The following DCDC1 variants were observed in gnomAD, a reference collection of about 807,000 sequenced individuals.
DCDC1 encodes doublecortin domain containing 1.
DCDC1 carries 200 observed loss-of-function variants against 178.3 expected under a neutral mutation model. That is an observed-to-expected ratio of 1.12 (90% confidence interval 1.00 to 1.26). The LOEUF (loss-of-function observed/expected upper bound fraction) is 1.26. Ranked by LOEUF, DCDC1 falls within the 50% of genes most tolerant of loss-of-function variation. The pLI is 0.00. For missense variants in DCDC1, 1,983 were observed against 1,749.2 expected (o/e 1.13, Z -2.38); for synonymous variants, 690 against 604.8 (o/e 1.14, Z -2.07).
intron 9 of DCDC1, among the ~76,000 whole-genome samples, chr11:31,237,170 G>C (rs1976566877): frequency 6.6e-6 from 1 of 151,836 alleles, no homozygotes; most frequent in African/African-American, 2.4e-5. Context: ...CAAACTTATT[G>C]AAAGTGTGGA....
intron 20 of DCDC1, among the ~76,000 whole-genome samples, chr11:31,053,189 G>A (rs1333400995): frequency 1.3e-5 from 2 of 151,830 alleles, no homozygotes; most frequent in African/African-American, 4.8e-5. Flanking sequence ...ATTGTCCAAG[G>A]CTACTATGAA....
intron 20 of DCDC1, among the ~76,000 whole-genome samples, chr11:30,988,300 T>C (rs543089111): frequency 2.0e-5 from 3 of 152,012 alleles, no homozygotes; most frequent in Non-Finnish European, 2.9e-5. Flanking sequence ...AAACTCAAGA[T>C]GTAGGCATGG....
chr11:31,224,871 A>G (rs1220914153), intron 9 of DCDC1, among the ~76,000 whole-genome samples: 1 of 152,124 alleles, frequency 6.6e-6, no homozygotes, highest in Non-Finnish European at 1.5e-5. Context: ...AGATGTTAGC[A>G]TGGATGTGGC....
rs1159404005 is a variant in DCDC1 at position 30,894,356 on chromosome 11, G to A, written c.4794C>T (p.Ala1598=). 6.2e-7 allele frequency: 1 copy of A among 1,613,790 alleles called. No individual in the cohort carries two copies. The highest frequency in any genetic ancestry group is 1.7e-5 in the Admixed American group (1 of 60,002). The change falls in exon 35 of 39, where the codon GCC becomes GCT. Residue 1598 remains alanine (A), a synonymous_variant. Coordinates refer to ENST00000684477, the MANE Select transcript of DCDC1 (RefSeq NM_001387274.1). The part of the protein sequence containing the change: ...KGRRVAACQP[A]TMVPTKSPVQ... Reference sequence around the variant, plus strand: ...CAGGGCTCTTGGTAGGAACCATGGTGGCTGGCTGACATGCCGCTACTCGCC... The same window carrying A: ...CAGGGCTCTTGGTAGGAACCATGGTAGCTGGCTGACATGCCGCTACTCGCC...
chr11:31,294,551 C>T (rs913502908), intron 6 of DCDC1, among the ~76,000 whole-genome samples: 1 of 141,602 alleles, frequency 7.1e-6, no homozygotes, highest in African/African-American at 2.6e-5. Context: ...CCACTGCACT[C>T]CAGCCTGGGC....
chr11:31,170,959 G>T (rs1967142077), intron 9 of DCDC1, among the ~76,000 whole-genome samples: 1 of 152,122 alleles, frequency 6.6e-6, no homozygotes, highest in Admixed American at 6.5e-5. Flanking sequence ...CTCCTGAGCA[G>T]CTGGGATTAC....
chr11:30,912,409 G>A (rs273600), intron 27 of DCDC1, among the ~76,000 whole-genome samples: 15,219 of 151,900 alleles, frequency 0.1, 944 homozygotes, highest in Admixed American at 0.19. Flanking sequence ...TCAGTCTCCC[G>A]AGTAGCTGGT....
chr11:30,897,107 T>C (rs1265809163), intron 34 of DCDC1, among the ~76,000 whole-genome samples: 1 of 152,180 alleles, frequency 6.6e-6, no homozygotes, highest in Non-Finnish European at 1.5e-5. Flanking sequence ...GTAAATGTTT[T>C]ATAAGCATGT....
At chr11:30,878,289 A>C (rs273615) in intron 38 of DCDC1, among the ~76,000 whole-genome samples, 103,777 of 151,700 alleles carry the variant, frequency 0.68, 35,831 homozygotes, top group Middle Eastern at 0.8. Context: ...CCCATCTCTA[A>C]AAAAAATATA....
At chr11:31,148,570 T>C (rs1331602415) in intron 9 of DCDC1, among the ~76,000 whole-genome samples, 1 of 152,120 alleles carries the variant, frequency 6.6e-6, no homozygotes, top group South Asian at 2.1e-4. Flanking sequence ...TTTTGGAGAA[T>C]TCCCTTTTTT....
chr11:31,265,616 A>C lies in DCDC1; in HGVS notation c.961-16T>G. On this transcript the variant is annotated splice_polypyrimidine_tract_variant and intron_variant, in intron 7 of 38. Coordinates refer to ENST00000684477, the MANE Select transcript of DCDC1 (RefSeq NM_001387274.1). ...TATCTAAAACCTGTGCAGGAAAAAA[A>C]AATTATAAATAATTTAGTAAACTGG... The C allele has an allele frequency of 4.0e-6, 5 of 1,263,274 alleles. No homozygotes were observed. Among genetic ancestry groups the C allele is most frequent in the Non-Finnish European group, 5.2e-6 (5 of 965,388 alleles). The allele number at this position is 1,263,274 out of a possible 1,614,324, so 78.3% of individuals were successfully genotyped here.
At chr11:31,307,137 T>C (rs903668605) in intron 4 of DCDC1, among the ~76,000 whole-genome samples, 4 of 152,192 alleles carry the variant, frequency 2.6e-5, no homozygotes, top group Admixed American at 6.5e-5. Flanking sequence ...TATCCACATA[T>C]TCAAACATTT....
intron 38 of DCDC1, among the ~76,000 whole-genome samples, chr11:30,866,464 T>C (rs1370859177): frequency 6.6e-6 from 1 of 152,098 alleles, no homozygotes; most frequent in African/African-American, 2.4e-5. Flanking sequence ...ACTAATTCCA[T>C]TCATGAGGCT....
chr11:30,940,785 T>C (rs1392429004), intron 21 of DCDC1, among the ~76,000 whole-genome samples: 1 of 152,170 alleles, frequency 6.6e-6, no homozygotes, highest in Non-Finnish European at 1.5e-5. Context: ...ACTATTTCTT[T>C]CCTTCTAATT....
chr11:31,059,945 C>A (rs1171706289), intron 20 of DCDC1, among the ~76,000 whole-genome samples: 3 of 151,934 alleles, frequency 2.0e-5, no homozygotes, highest in Non-Finnish European at 4.4e-5. Context: ...TAAAGAGTTT[C>A]TCATTGCTAT....
intron 20 of DCDC1, among the ~76,000 whole-genome samples, chr11:31,052,380 G>A (rs1467167034): frequency 6.6e-6 from 1 of 152,122 alleles, no homozygotes; most frequent in Non-Finnish European, 1.5e-5. Context: ...TAAGAAATGA[G>A]ATAGACCACA....
intron 2 of DCDC1, among the ~76,000 whole-genome samples, chr11:31,332,678 G>T (rs1591787251): frequency 6.6e-6 from 1 of 152,292 alleles, no homozygotes; most frequent in East Asian, 1.9e-4. Flanking sequence ...TTTCCATGGA[G>T]TTGTGTGGTT....
chr11:31,126,459 G>A lies in DCDC1; in HGVS notation c.1485+1010C>T, dbSNP rs1025422578. 7.2e-5 allele frequency among the ~76,000 whole-genome samples: 11 copies of A among 152,064 alleles called. No individual in the cohort carries two copies. In the East Asian group the frequency reaches 7.7e-4, roughly 11 times the overall value. On this transcript the variant is annotated intron_variant, in intron 11 of 38. Coordinates refer to ENST00000684477, the MANE Select transcript of DCDC1 (RefSeq NM_001387274.1). ...TTCCCAAAAAGTCCATTTTTACATT[G>A]TAATGTTCTCACTCAAAATACACAC... is the stretch of plus-strand genomic sequence containing the variant.
chr11:31,355,755 G>A (rs1458895720), intron 1 of DCDC1, among the ~76,000 whole-genome samples: 2 of 151,970 alleles, frequency 1.3e-5, no homozygotes, highest in Admixed American at 6.6e-5. Context: ...TTTTAGTAGA[G>A]ACAGGGTTTC....
Sources: gnomAD v4.1 joint callset for allele counts (sites outside exome capture counted in the v4.1 genomes callset) on GRCh38, gnomAD v4.1.1 for gene constraint, MANE v1.5 for transcripts, NCBI Gene and HGNC (gene_info 2026-07-23, HGNC 2026-07-21) for gene names.